TAFA1: variants seen among roughly 807,000 people sequenced by gnomAD.
The protein encoded by TAFA1 is TAFA chemokine like family member 1.
TAFA1 carries 4 observed loss-of-function variants against 18.5 expected under a neutral mutation model. That is an observed-to-expected ratio of 0.22 (90% CI 0.11 to 0.49). The LOEUF is 0.49. Ranked by LOEUF, TAFA1 falls within the 20% of genes least tolerant of loss-of-function variation. The pLI, the probability that TAFA1 is intolerant of heterozygous loss-of-function variation, is 0.98. For missense variants in TAFA1, 147 were observed against 169.0 expected (o/e 0.87, Z 0.72); for synonymous variants, 56 against 55.2 (o/e 1.01, Z -0.06).
chr3:68,378,841 A>G (rs1466429479), intron 2 of TAFA1, among the ~76,000 whole-genome samples: 2 of 151,016 alleles, frequency 1.3e-5, no homozygotes, highest in Non-Finnish European at 3.0e-5. Flanking sequence ...TCTTTCACAC[A>G]CTCCTCTCTC....
At chr3:68,288,207 C>T (rs1428142386) in intron 2 of TAFA1, among the ~76,000 whole-genome samples, 1 of 152,136 alleles carries the variant, frequency 6.6e-6, no homozygotes, top group Admixed American at 6.5e-5. Context: ...ATAACTTTCC[C>T]ACATATGCTG....
chr3:68,006,770 A>G lies in TAFA1; in HGVS notation c.118+26A>G, dbSNP rs756606922. 3.5e-6 allele frequency: 5 copies of G among 1,445,780 alleles called. No homozygotes were observed. The Admixed American group carries it at 6.7e-5, about 19-fold the overall frequency. 89.6% of individuals were successfully genotyped at this position (1,445,780 alleles called of 1,614,324 possible). A position where few individuals can be genotyped will look rare whatever the true frequency, so the allele number is the denominator to read the frequency against. Reference sequence around the variant, plus strand: ...GTAAGTCAGGAGCTGGCTCCACTGCAGCCTCCTCCAGTCTTACCACTATTT... The same window carrying G: ...GTAAGTCAGGAGCTGGCTCCACTGCGGCCTCCTCCAGTCTTACCACTATTT... On this transcript the variant is annotated intron_variant, in intron 2 of 4. Transcript: ENST00000478136.
chr3:68,155,985 G>A (rs1169567330), intron 2 of TAFA1, among the ~76,000 whole-genome samples: 1 of 151,986 alleles, frequency 6.6e-6, no homozygotes, highest in Non-Finnish European at 1.5e-5. Context: ...GCAATAATTA[G>A]GTTACTACTT....
At chr3:68,143,699 G>C (rs1359883800) in intron 2 of TAFA1, among the ~76,000 whole-genome samples, 1 of 152,130 alleles carries the variant, frequency 6.6e-6, no homozygotes, top group Non-Finnish European at 1.5e-5. Flanking sequence ...CCCTGGTTGA[G>C]AGCCACTGAG....
intron 2 of TAFA1, among the ~76,000 whole-genome samples, chr3:68,324,934 G>T (rs1008799250): frequency 6.6e-6 from 1 of 152,164 alleles, no homozygotes; most frequent in African/African-American, 2.4e-5. Flanking sequence ...TGGTTAGAAA[G>T]TTGTCTCATT....
At chr3:68,285,591 A>C (rs796947225) in intron 2 of TAFA1, among the ~76,000 whole-genome samples, 22 of 152,278 alleles carry the variant, frequency 1.4e-4, no homozygotes, top group African/African-American at 5.3e-4. Flanking sequence ...TATATAAAAA[A>C]CCTTCTGAAT....
chr3:68,197,249 C>A (rs528470889), intron 2 of TAFA1, among the ~76,000 whole-genome samples: 3 of 151,602 alleles, frequency 2.0e-5, no homozygotes, highest in Admixed American at 2.0e-4. Flanking sequence ...ATGATTTGCC[C>A]GTAAACAGAA....
chr3:68,229,188 A>G (rs1380056654), intron 2 of TAFA1, among the ~76,000 whole-genome samples: 1 of 152,244 alleles, frequency 6.6e-6, no homozygotes, highest in Non-Finnish European at 1.5e-5. Context: ...TTTGGAAGTC[A>G]TAGTGAGTAT....
At chr3:68,406,279 C>G (rs1447849183) in intron 2 of TAFA1, among the ~76,000 whole-genome samples, 1 of 152,112 alleles carries the variant, frequency 6.6e-6, no homozygotes, top group African/African-American at 2.4e-5. Flanking sequence ...ATTCTCAGCC[C>G]TAAAGGATAG....
chr3:68,111,306 A>C (rs2065259758), intron 2 of TAFA1, among the ~76,000 whole-genome samples: 2 of 152,170 alleles, frequency 1.3e-5, no homozygotes, highest in Non-Finnish European at 2.9e-5. Flanking sequence ...GTTCCAAAAG[A>C]AAGAAAGCTG....
At chr3:68,095,005 T>C (rs1370687505) in intron 2 of TAFA1, among the ~76,000 whole-genome samples, 4 of 152,176 alleles carry the variant, frequency 2.6e-5, no homozygotes, top group Non-Finnish European at 5.9e-5. Context: ...TATGGCAGAC[T>C]GTACAAGGTC....
chr3:68,333,325 A>G lies in TAFA1; in HGVS notation c.119-83955A>G, dbSNP rs780380666. The stretch of plus-strand genomic sequence containing the variant: ...ATACTACTGCACGTAGTGAGATGAT[A>G]TCCTTTGCAGCAATGTGGATGAAGG... On this transcript the variant is annotated intron_variant, in intron 2 of 4. Transcript: ENST00000478136. 2.6e-4 allele frequency among the ~76,000 whole-genome samples: 39 copies of G among 152,230 alleles called. 1 individual carries two copies. Among genetic ancestry groups the G allele is most frequent in the Non-Finnish European group, 1.5e-5 (1 of 68,028 alleles).
At chr3:68,369,158 T>A (rs2069630506) in intron 2 of TAFA1, among the ~76,000 whole-genome samples, 1 of 151,962 alleles carries the variant, frequency 6.6e-6, no homozygotes, top group South Asian at 2.1e-4. Flanking sequence ...TCTGGAACAC[T>A]TGTCTAGCAC....
At chr3:68,472,046 T>A (rs1559683375) in intron 3 of TAFA1, among the ~76,000 whole-genome samples, 1 of 152,078 alleles carries the variant, frequency 6.6e-6, no homozygotes, top group South Asian at 2.1e-4. Flanking sequence ...GAAGCCATGA[T>A]TGGTTTTGAA....
At chr3:68,105,628 T>C (rs1396139336) in intron 2 of TAFA1, among the ~76,000 whole-genome samples, 1 of 152,114 alleles carries the variant, frequency 6.6e-6, no homozygotes, top group Non-Finnish European at 1.5e-5. Flanking sequence ...AGAATTAAAA[T>C]GGGAGAAGAT....
At chr3:68,128,515 A>G (rs2065499246) in intron 2 of TAFA1, among the ~76,000 whole-genome samples, 1 of 152,232 alleles carries the variant, frequency 6.6e-6, no homozygotes, top group Admixed American at 6.5e-5. Flanking sequence ...GATTTAACTA[A>G]GGCAAGAATA....
intron 2 of TAFA1, among the ~76,000 whole-genome samples, chr3:68,106,152 T>G (rs1218076916): frequency 6.6e-6 from 1 of 151,838 alleles, no homozygotes; most frequent in Non-Finnish European, 1.5e-5. Context: ...CAATTTGGAA[T>G]TCATATGCAA....
At chr3:68,197,098 C>T (rs2066419421) in intron 2 of TAFA1, among the ~76,000 whole-genome samples, 1 of 151,706 alleles carries the variant, frequency 6.6e-6, no homozygotes, top group Non-Finnish European at 1.5e-5. Flanking sequence ...TAGAATCATG[C>T]TTTAGACATG....
intron 2 of TAFA1, among the ~76,000 whole-genome samples, chr3:68,020,619 A>G (rs975058730): frequency 2.8e-4 from 43 of 152,306 alleles, no homozygotes; most frequent in African/African-American, 9.4e-4. Context: ...CTGTATGCTG[A>G]TAATATTTTA....
Sources: allele counts gnomAD v4.1 joint callset (sites outside exome capture counted in the v4.1 genomes callset), GRCh38; gene constraint gnomAD v4.1.1; transcripts MANE v1.5; gene names NCBI Gene and HGNC (gene_info 2026-07-23, HGNC 2026-07-21).